Variants in MAP2K5 observed in about 807,000 individuals in gnomAD.
The protein encoded by MAP2K5 is mitogen-activated protein kinase kinase 5, also known as dual specificity mitogen-activated protein kinase kinase 5.
Under a neutral mutation model 83.1 loss-of-function variants are expected in MAP2K5, and 49 were observed. The ratio of observed to expected loss-of-function variants is 0.59; its 90% CI spans 0.47 to 0.75. The LOEUF is 0.75. Ranked by LOEUF, MAP2K5 falls within the 30% of genes least tolerant of loss-of-function variation. The probability of loss-of-function intolerance (pLI) is 0.00; values close to 1 mark genes in which losing one functional copy is unlikely to be tolerated. For synonymous variants in MAP2K5, 202 were observed against 191.8 expected, an observed-to-expected ratio of 1.05 and a Z score of -0.44; for missense variants, 457 against 557.5, an observed-to-expected ratio of 0.82 and a Z score of 1.82.
At chr15:67,707,953 G>A (rs534297681) in intron 16 of MAP2K5, among the ~76,000 whole-genome samples, 2 of 152,144 alleles carry the variant, frequency 1.3e-5, no homozygotes, top group South Asian at 4.2e-4. Context: ...TAGGGTACCT[G>A]TGGTAAAGAA....
intron 21 of MAP2K5, among the ~76,000 whole-genome samples, chr15:67,789,622 G>A (rs2090479596): frequency 6.6e-6 from 1 of 151,924 alleles, no homozygotes; most frequent in Non-Finnish European, 1.5e-5. Flanking sequence ...ACTGAGGCAG[G>A]AGAATTGCTT....
intron 8 of MAP2K5, among the ~76,000 whole-genome samples, chr15:67,621,582 T>C (rs1233836327): frequency 6.6e-6 from 1 of 152,088 alleles, no homozygotes; most frequent in African/African-American, 2.4e-5. Context: ...GGGAACATAA[T>C]TCTATACATA....
chr15:67,771,653 T>C (rs1033255241), intron 20 of MAP2K5, among the ~76,000 whole-genome samples: 8 of 152,128 alleles, frequency 5.3e-5, no homozygotes, highest in African/African-American at 1.9e-4. Flanking sequence ...ATGGATGCAG[T>C]GTTTGAGAGG....
At chr15:67,658,088 T>A (rs1341052556) in intron 11 of MAP2K5, among the ~76,000 whole-genome samples, 1 of 152,110 alleles carries the variant, frequency 6.6e-6, no homozygotes, top group Non-Finnish European at 1.5e-5. Flanking sequence ...AAAATAGATC[T>A]CATAATCATA....
intron 1 of MAP2K5, among the ~76,000 whole-genome samples, chr15:67,547,814 CAGA>C (rs770865194): frequency 2.0e-5 from 3 of 152,252 alleles, no homozygotes; most frequent in Non-Finnish European, 2.9e-5. Context: ...TTGTCAAGAG[CAGA>C]AGAAGGCCGC....
chr15:67,609,281 A>C (rs1208144180), intron 8 of MAP2K5, among the ~76,000 whole-genome samples: 1 of 152,118 alleles, frequency 6.6e-6, no homozygotes, highest in East Asian at 1.9e-4. Context: ...AAGCATGTAC[A>C]GTCCAGTTGT....
rs1471815485 is a variant in MAP2K5, at chr15:67,738,416, G to A, written c.1075-9815G>A. On this transcript the variant is annotated intron_variant, in intron 17 of 21. Coordinates refer to ENST00000178640, the MANE Select transcript of MAP2K5 (RefSeq NM_145160.3). The surrounding 1 kb of genome is among the most constrained non-coding windows in gnomAD (Gnocchi z 4.1). ...TGCCTTCTTGGTAGCCAGGCAGCTGGAAACACTCAGTGATTCAGGGTAGAG... is the reference window on the plus strand; with the variant it reads ...TGCCTTCTTGGTAGCCAGGCAGCTGAAAACACTCAGTGATTCAGGGTAGAG... 6.6e-6 allele frequency among the ~76,000 whole-genome samples: 1 copy of A among 152,200 alleles called. No individual in the cohort carries two copies. Among genetic ancestry groups the A allele is most frequent in the Non-Finnish European group, 1.5e-5 (1 of 68,038 alleles).
intron 4 of MAP2K5, among the ~76,000 whole-genome samples, chr15:67,581,579 T>TC (rs2085180022): frequency 6.6e-6 from 1 of 152,194 alleles, no homozygotes; most frequent in Non-Finnish European, 1.5e-5. Context: ...ATAAGGAAAT[T>TC]CTCTAAGTAA....
intron 7 of MAP2K5, among the ~76,000 whole-genome samples, chr15:67,593,701 G>C (rs1287680964): frequency 1.3e-5 from 2 of 152,230 alleles, no homozygotes; most frequent in Admixed American, 1.3e-4. Flanking sequence ...TGTCCATTGC[G>C]ATCAAGCCTG....
At position 67,702,136 on chromosome 15, in the gene MAP2K5, T is replaced by A. The variant is rs2088436816; in HGVS notation, c.973-1201T>A. Among the ~76,000 whole-genome samples, 1 of 152,214 alleles carries A rather than the reference T, an allele frequency of 6.6e-6. No homozygotes were observed. The highest frequency in any genetic ancestry group is 1.5e-5 in the Non-Finnish European group (1 of 68,032). On this transcript the variant is annotated intron_variant, in intron 15 of 21. Transcript: ENST00000178640. The surrounding 1 kb of genome is among the most constrained non-coding windows in gnomAD (Gnocchi z 4.6). ...AAATGATAGCTATTACTATCCTTCT[T>A]TTATAGTGGATACAGCACTCATAAT...
chr15:67,665,853 G>A lies in MAP2K5; in HGVS notation c.847+1208G>A, dbSNP rs935226335. On this transcript the variant is annotated intron_variant, in intron 13 of 21. Coordinates refer to ENST00000178640, the MANE Select transcript of MAP2K5 (RefSeq NM_145160.3). This position sits in a 1 kb window ranked among gnomAD's most constrained non-coding sequence, Gnocchi z 4.2. ...AAGTGTGTAAACAAATTTGGTGGAT[G>A]AAAAAAAATTGAACATTTTTGACTA... 6.6e-6 allele frequency among the ~76,000 whole-genome samples: 1 copy of A among 151,788 alleles called. No individual in the cohort carries two copies. Among genetic ancestry groups the A allele is most frequent in the Admixed American group, 6.6e-5 (1 of 15,238 alleles).
chr15:67,744,578 T>A (rs560398930), intron 17 of MAP2K5, among the ~76,000 whole-genome samples: 12 of 152,322 alleles, frequency 7.9e-5, no homozygotes, highest in African/African-American at 2.4e-4. Flanking sequence ...GTTACATAGG[T>A]AGATTCATTT....
intron 13 of MAP2K5, among the ~76,000 whole-genome samples, chr15:67,681,129 A>C (rs1295447911): frequency 6.6e-6 from 1 of 152,212 alleles, no homozygotes; most frequent in African/African-American, 2.4e-5. Context: ...CAGCAGTGCT[A>C]AGCACACAGG....
intron 13 of MAP2K5, among the ~76,000 whole-genome samples, chr15:67,685,527 TAAA>T (rs1369146149): frequency 6.6e-6 from 1 of 152,202 alleles, no homozygotes; most frequent in East Asian, 1.9e-4. Context: ...CGTGGATAAA[TAAA>T]AAGATGTTTT....
At chr15:67,697,521 C>G (rs2088296826) in intron 15 of MAP2K5, among the ~76,000 whole-genome samples, 1 of 152,178 alleles carries the variant, frequency 6.6e-6, no homozygotes, top group South Asian at 2.1e-4. Flanking sequence ...ATTTATGCAT[C>G]TCCCCCAATC....
rs1355968281 is a variant in MAP2K5, at chr15:67,722,154, C to T, written c.1045-5762C>T. On this transcript the variant is annotated intron_variant, in intron 16 of 21. Coordinates refer to ENST00000178640, the MANE Select transcript of MAP2K5 (RefSeq NM_145160.3). This position sits in a 1 kb window ranked among gnomAD's most constrained non-coding sequence, Gnocchi z 4.2. ...GTTCTAGACATGAACAAATATGTCA[C>T]TTCATCAGTCTCTGTTACTCGCACT... 6.6e-6 allele frequency among the ~76,000 whole-genome samples: 1 copy of T among 152,068 alleles called. No individual in the cohort carries two copies. The highest frequency in any genetic ancestry group is 1.5e-5 in the Non-Finnish European group (1 of 68,008).
intron 13 of MAP2K5, among the ~76,000 whole-genome samples, chr15:67,689,404 G>A (rs1236398881): frequency 6.6e-6 from 1 of 152,158 alleles, no homozygotes; most frequent in Non-Finnish European, 1.5e-5. Flanking sequence ...CAGATAGTTG[G>A]AAAATATGGA....
chr15:67,766,760 C>T (rs2090049365), intron 19 of MAP2K5, among the ~76,000 whole-genome samples: 1 of 152,202 alleles, frequency 6.6e-6, no homozygotes, highest in Non-Finnish European at 1.5e-5. Context: ...GCAGAGAACA[C>T]TCTCAGGTAT....
chr15:67,791,747 G>A (rs922751972), intron 21 of MAP2K5, among the ~76,000 whole-genome samples: 6 of 152,134 alleles, frequency 3.9e-5, no homozygotes, highest in Non-Finnish European at 7.4e-5. Context: ...CTTGAAAGCC[G>A]GTTGTAGAAT....
Sources: allele counts gnomAD v4.1 joint callset (sites outside exome capture counted in the v4.1 genomes callset), GRCh38; gene constraint gnomAD v4.1.1; non-coding constraint Gnocchi (gnomAD v3.1); transcripts MANE v1.5; gene names NCBI Gene and HGNC (gene_info 2026-07-23, HGNC 2026-07-21).